BANK1: variants seen among roughly 807,000 people sequenced by gnomAD.
BANK1 encodes the protein B-cell scaffold protein with ankyrin repeats.
BANK1 carries 95 observed loss-of-function variants against 94.5 expected under a neutral mutation model. The observed-to-expected ratio is 1.00, with a 90% confidence interval of 0.85 to 1.19. The LOEUF (loss-of-function observed/expected upper bound fraction) is 1.19, where lower values mean the gene tolerates loss of function less well. BANK1 is among the 50% of genes most tolerant of loss of function. The probability of loss-of-function intolerance (pLI) is 0.00; values close to 1 mark genes in which losing one functional copy is unlikely to be tolerated. For missense variants in BANK1, 987 were observed against 932.2 expected (o/e 1.06, Z -0.77); for synonymous variants, 334 against 308.4 (o/e 1.08, Z -0.87).
intron 7 of BANK1, among the ~76,000 whole-genome samples, chr4:101,936,178 A>G (rs888639370): frequency 1.8e-5 from 2 of 112,114 alleles, no homozygotes; most frequent in Admixed American, 8.8e-5. Context: ...CCAGAAAAAA[A>G]TATATATGAT....
At chr4:101,829,757 T>C (rs1443477473) in intron 1 of BANK1, 51 bp from the exon 2 acceptor site, 2 of 1,240,790 alleles carry the variant, frequency 1.6e-6, no homozygotes, top group African/African-American at 3.1e-5. Context: ...AATAATAATT[T>C]AACCTGCTGA....
At chr4:101,990,260 G>C (rs1432661602) in intron 7 of BANK1, among the ~76,000 whole-genome samples, 1 of 152,092 alleles carries the variant, frequency 6.6e-6, no homozygotes, top group East Asian at 1.9e-4. Flanking sequence ...GCAAACAAAA[G>C]CAATACTCTG....
intron 5 of BANK1, among the ~76,000 whole-genome samples, chr4:101,873,511 T>G (rs1728375277): frequency 6.6e-6 from 1 of 152,158 alleles, no homozygotes; most frequent in African/African-American, 2.4e-5. Context: ...GTATTATCAT[T>G]TTAAAAAAAC....
chr4:102,006,929 A>G (rs1165441243), intron 7 of BANK1, among the ~76,000 whole-genome samples: 2 of 150,136 alleles, frequency 1.3e-5, no homozygotes, highest in South Asian at 2.1e-4. Context: ...TCAACTTGTT[A>G]TGTAAAAGAA....
intron 5 of BANK1, among the ~76,000 whole-genome samples, chr4:101,885,536 CTCTAAATTCTTTATTCTAGTATCTCT>C (rs1728820448): frequency 6.6e-6 from 1 of 152,176 alleles, no homozygotes; most frequent in African/African-American, 2.4e-5. Flanking sequence ...CTAATTGCTC[CTCTAAATTCTTTATTCTAGTATCTCT>C]TCCTCAGTGA....
chr4:101,884,159 C>T (rs1728767658), intron 5 of BANK1, among the ~76,000 whole-genome samples: 1 of 152,124 alleles, frequency 6.6e-6, no homozygotes, highest in Non-Finnish European at 1.5e-5. Context: ...TCTAAGAATG[C>T]TTCCCCACCA....
intron 4 of BANK1, among the ~76,000 whole-genome samples, chr4:101,865,674 G>T (rs903790154): frequency 1.3e-5 from 2 of 152,066 alleles, no homozygotes; most frequent in African/African-American, 4.8e-5. Flanking sequence ...AAGTCACAAC[G>T]AAGAGTCACT....
intron 6 of BANK1, among the ~76,000 whole-genome samples, chr4:101,915,171 T>G (rs1231538885): frequency 6.6e-6 from 1 of 152,122 alleles, no homozygotes; most frequent in African/African-American, 2.4e-5. Context: ...GGACATAGGT[T>G]TAATAACCGA....
intron 13 of BANK1, among the ~76,000 whole-genome samples, chr4:102,068,209 T>G (rs2148966909): frequency 6.6e-6 from 1 of 152,226 alleles, no homozygotes; most frequent in South Asian, 2.1e-4. Context: ...GGAAATGTAT[T>G]ACTATAAATA....
At chr4:101,855,855 G>A (rs919769868) in intron 3 of BANK1, among the ~76,000 whole-genome samples, 1 of 152,142 alleles carries the variant, frequency 6.6e-6, no homozygotes, top group African/African-American at 2.4e-5. Flanking sequence ...ATAATGTGGG[G>A]GGATGATTTC....
intron 1 of BANK1, among the ~76,000 whole-genome samples, chr4:101,798,342 C>T (rs556575640): frequency 7.2e-5 from 11 of 152,152 alleles, no homozygotes; most frequent in Non-Finnish European, 1.6e-4. Flanking sequence ...ATCAGTGTCA[C>T]GGCAGCAATT....
At chr4:101,946,132 A>G in intron 7 of BANK1, among the ~76,000 whole-genome samples, 1 of 152,012 alleles carries the variant, frequency 6.6e-6, no homozygotes, top group East Asian at 1.9e-4. Context: ...AACATAATCC[A>G]ATAATAAACA....
chr4:101,863,468 G>C (rs1251895296), intron 4 of BANK1, among the ~76,000 whole-genome samples: 2 of 151,928 alleles, frequency 1.3e-5, no homozygotes, highest in African/African-American at 2.4e-5. Context: ...TGGAAATGTG[G>C]CAAAAATATT....
intron 6 of BANK1, among the ~76,000 whole-genome samples, chr4:101,911,377 T>G (rs965081504): frequency 6.6e-6 from 1 of 152,218 alleles, no homozygotes; most frequent in Non-Finnish European, 1.5e-5. Flanking sequence ...ATAACAAGTT[T>G]GAAATAACCT....
chr4:101,978,772 T>C (rs1286951009), intron 7 of BANK1, among the ~76,000 whole-genome samples: 1 of 152,092 alleles, frequency 6.6e-6, no homozygotes, highest in Non-Finnish European at 1.5e-5. Context: ...TTGCTTAAAA[T>C]ATCTTTCCCA....
intron 9 of BANK1, 99 bp downstream of exon 9, chr4:102,025,608 C>A (rs928642763): frequency 3.0e-5 from 35 of 1,184,080 alleles, no homozygotes; most frequent in Non-Finnish European, 3.7e-5. Flanking sequence ...CAGAGCAGAT[C>A]AGCTTTTGAA....
chr4:101,855,170 C>A lies in BANK1; in HGVS notation c.605C>A (p.Pro202His). ...RNTIPLAVVL[P>H]TEIPCENPGE... ...ACCATACCACTAGCAGTGGTGCTTCCCACTGAAATTCCATGTGAGGTCAGT... is the reference window on the plus strand; with the variant it reads ...ACCATACCACTAGCAGTGGTGCTTCACACTGAAATTCCATGTGAGGTCAGT... Residue 202 changes from proline to histidine, a missense_variant, in exon 3 of 17, where the codon CCC becomes CAC. Pro to His is a moderately conservative substitution (Grantham distance 77). Transcript: ENST00000322953. 1 of 1,613,004 alleles carries A rather than the reference C, an allele frequency of 6.2e-7. No homozygotes were observed. Among genetic ancestry groups the A allele is most frequent in the Non-Finnish European group, 8.5e-7 (1 of 1,179,346 alleles).
intron 11 of BANK1, among the ~76,000 whole-genome samples, chr4:102,044,459 C>T (rs1460159901): frequency 6.6e-6 from 1 of 151,238 alleles, no homozygotes; most frequent in Non-Finnish European, 1.5e-5. Context: ...GGTTCCAAGT[C>T]TTTGCTATTG....
At chr4:101,898,060 A>G (rs1460679027) in intron 6 of BANK1, among the ~76,000 whole-genome samples, 1 of 151,948 alleles carries the variant, frequency 6.6e-6, no homozygotes. Flanking sequence ...GCTGGGTATT[A>G]TTGCATAACA....
Sources: allele counts gnomAD v4.1 joint callset (sites outside exome capture counted in the v4.1 genomes callset), GRCh38; gene constraint gnomAD v4.1.1; transcripts MANE v1.5; gene names NCBI Gene and HGNC (gene_info 2026-07-23, HGNC 2026-07-21).